The following ZSCAN23 variants were observed in gnomAD, a reference collection of about 807,000 sequenced individuals.
ZSCAN23 encodes the protein zinc finger and SCAN domain-containing protein 23.
ZSCAN23 carries 19 observed loss-of-function variants against 19.3 expected under a neutral mutation model. The ratio of observed to expected loss-of-function variants is 0.99; its 90% CI spans 0.69 to 1.45. The LOEUF (loss-of-function observed/expected upper bound fraction) is 1.45. Ranked by LOEUF, ZSCAN23 falls within the 40% of genes most tolerant of loss-of-function variation. The pLI, the probability that ZSCAN23 is intolerant of heterozygous loss-of-function variation, is 0.00. For synonymous variants in ZSCAN23, 140 were observed against 166.2 expected (o/e 0.84, Z 1.21); for missense variants, 372 against 462.5 (o/e 0.80, Z 1.79).
the ZSCAN23 span, among the ~76,000 whole-genome samples, chr6:28,425,354 G>T: frequency 6.6e-6 from 1 of 152,100 alleles, no homozygotes; most frequent in Non-Finnish European, 1.5e-5. Context: ...TTGAGACAGG[G>T]TCTTTCTCTG....
chr6:28,438,343 C>T (rs1421475820), intron 1 of ZSCAN23, among the ~76,000 whole-genome samples: 1 of 152,142 alleles, frequency 6.6e-6, no homozygotes, highest in Non-Finnish European at 1.5e-5. Flanking sequence ...ATGATCCACC[C>T]GCCTTGGCCT....
At chr6:28,430,377 A>ACAAC (rs1032402136), downstream of ZSCAN23, among the ~76,000 whole-genome samples, 17 of 152,106 alleles carry the variant, frequency 1.1e-4, no homozygotes, top group South Asian at 1.2e-3. Flanking sequence ...TCCAAACAAA[A>ACAAC]CAACCAACCA....
chr6:28,424,348 T>C, the ZSCAN23 span, among the ~76,000 whole-genome samples: 6 of 152,242 alleles, frequency 3.9e-5, no homozygotes, highest in Non-Finnish European at 8.8e-5. Context: ...CTTACCTTAA[T>C]GTCTGCTGAC....
In ZSCAN23 at chr6:28,433,284, G is replaced by C. The variant is rs1429801028; in HGVS notation, c.*1181C>G. On this transcript the variant is annotated 3_prime_UTR_variant, in exon 4 of 4. Coordinates refer to ENST00000289788, the MANE Select transcript of ZSCAN23 (RefSeq NM_001012455.2). ...TAGAATGTTACACTAGGAAGTAGGA[G>C]ACAGGGTTCTAGTTCCAGCTCTGCT... 1 of 152,120 alleles carries C rather than the reference G, an allele frequency of 6.6e-6. No homozygotes were observed. Among genetic ancestry groups the C allele is most frequent in the Non-Finnish European group, 1.5e-5 (1 of 67,998 alleles). 9.4% of individuals were successfully genotyped at this position (152,120 alleles called of 1,614,324 possible).
chr6:28,427,464 A>G (rs765971928), downstream of ZSCAN23, among the ~76,000 whole-genome samples: 1 of 152,232 alleles, frequency 6.6e-6, no homozygotes, highest in Non-Finnish European at 1.5e-5. Context: ...CCTAGATGGT[A>G]GAGCCTACTA....
At chr6:28,421,961 G>C in the ZSCAN23 span, among the ~76,000 whole-genome samples, 1 of 151,996 alleles carries the variant, frequency 6.6e-6, no homozygotes, top group South Asian at 2.1e-4. Flanking sequence ...TAATTGTTTA[G>C]GTATGAAAAT....
chr6:28,434,717 C>T lies in ZSCAN23; in HGVS notation c.918G>A (p.Gln306=). The change falls in exon 4 of 4, where the codon CAG becomes CAA. Residue 306 remains glutamine (Q), a synonymous_variant. Coordinates refer to ENST00000289788, the MANE Select transcript of ZSCAN23 (RefSeq NM_001012455.2). ...TGAAGGCTTTGCCACAAACACTGCA[C>T]TGGTAGCGCTTCTCCCCAGTGTGGA... The part of the protein sequence containing the change: ...QRLHTGEKRY[Q]CSVCGKAFSQ... 6.3e-7 allele frequency: 1 copy of T among 1,596,420 alleles called. No homozygotes were observed. Among genetic ancestry groups the T allele is most frequent in the Non-Finnish European group, 8.5e-7 (1 of 1,171,176 alleles).
chr6:28,429,912 G>A (rs565339412), downstream of ZSCAN23, among the ~76,000 whole-genome samples: 1 of 152,160 alleles, frequency 6.6e-6, no homozygotes, highest in Non-Finnish European at 1.5e-5. Flanking sequence ...ACCTCTCTAG[G>A]AGAAAGGACG....
chr6:28,434,787 CCA>C lies in ZSCAN23; in HGVS notation c.846_847del (p.Cys282TrpfsTer58). On this transcript the variant is annotated frameshift_variant, in exon 4 of 4. Coordinates refer to ENST00000289788, the MANE Select transcript of ZSCAN23 (RefSeq NM_001012455.2). LOFTEE classifies it low-confidence loss of function (END_TRUNC). ...GCCTGACCTCTGGCTGAAGGCCCGC[CCA>C]CACTCATCACATTCATAAGGCTTCT... The C allele has an allele frequency of 6.2e-7, 1 of 1,601,778 alleles. No homozygotes were observed. Among genetic ancestry groups the C allele is most frequent in the South Asian group, 1.1e-5 (1 of 89,364 alleles).
At chr6:28,427,507 C>G (rs1485578715), downstream of ZSCAN23, among the ~76,000 whole-genome samples, 1 of 152,170 alleles carries the variant, frequency 6.6e-6, no homozygotes, top group Non-Finnish European at 1.5e-5. Context: ...ACCTAATGCT[C>G]CTAGGCTACA....
rs1458516785 is a variant in ZSCAN23 at position 28,434,705 on chromosome 6, A to T, written c.930T>A (p.Cys310Ter). ...CGGCATTCTGGCTGAAGGCTTTGCC[A>T]CAAACACTGCACTGGTAGCGCTTCT... ...TGEKRYQCSV[C>*]GKAFSQNAGL... Residue 310 changes from cysteine (C) to a stop codon, truncating the protein, a stop_gained, in exon 4 of 4, where the codon TGT (cysteine) becomes TGA (stop). Transcript: ENST00000289788. LOFTEE classifies it low-confidence loss of function (END_TRUNC). 6.3e-7 allele frequency: 1 copy of T among 1,591,578 alleles called. No homozygotes were observed. Among genetic ancestry groups the T allele is most frequent in the Non-Finnish European group, 8.6e-7 (1 of 1,168,688 alleles).
At chr6:28,441,710 T>A (rs1041025280) in intron 1 of ZSCAN23, among the ~76,000 whole-genome samples, 11 of 151,944 alleles carry the variant, frequency 7.2e-5, no homozygotes, top group Non-Finnish European at 1.3e-4. Flanking sequence ...AAATAAACAG[T>A]CTTAAATACT....
intron 1 of ZSCAN23, among the ~76,000 whole-genome samples, chr6:28,437,793 T>C (rs546289701): frequency 1.3e-5 from 2 of 152,332 alleles, no homozygotes; most frequent in Middle Eastern, 6.8e-3. Flanking sequence ...TATGTATATA[T>C]GTTTGTGCAT....
intron 2 of ZSCAN23, 66 bp downstream of exon 2, chr6:28,435,793 T>A: frequency 6.8e-7 from 1 of 1,476,432 alleles, no homozygotes; most frequent in Admixed American, 2.7e-5. Context: ...CTCTACCTTT[T>A]CTTGTTGCAC....
At chr6:28,440,837 T>C (rs1761984875) in intron 1 of ZSCAN23, among the ~76,000 whole-genome samples, 1 of 152,152 alleles carries the variant, frequency 6.6e-6, no homozygotes, top group Non-Finnish European at 1.5e-5. Context: ...CATTTTTGCT[T>C]TCCTTCACCT....
the ZSCAN23 span, among the ~76,000 whole-genome samples, chr6:28,421,609 A>C: frequency 6.6e-6 from 1 of 152,184 alleles, no homozygotes; most frequent in Non-Finnish European, 1.5e-5. Context: ...GGTCAAAAAA[A>C]CTTAAAACTT....
the ZSCAN23 span, among the ~76,000 whole-genome samples, chr6:28,424,874 A>G: frequency 6.6e-6 from 1 of 152,206 alleles, no homozygotes; most frequent in Non-Finnish European, 1.5e-5. Flanking sequence ...TCATGTTGAT[A>G]TTTTGATCTC....
intron 1 of ZSCAN23, among the ~76,000 whole-genome samples, chr6:28,440,966 C>T (rs1761986784): frequency 6.6e-6 from 1 of 152,158 alleles, no homozygotes; most frequent in Non-Finnish European, 1.5e-5. Context: ...CTGCCCTCCT[C>T]GTCACAAACA....
chr6:28,436,091 G>T lies in ZSCAN23; in HGVS notation c.176C>A (p.Ser59Tyr), dbSNP rs768971715. The change falls in exon 2 of 4, where the codon TCC (serine) becomes TAC (tyrosine). Residue 59 changes from serine to tyrosine, a missense_variant. Ser to Tyr is a moderately radical substitution (Grantham distance 144, BLOSUM62 -2). Coordinates refer to ENST00000289788, the MANE Select transcript of ZSCAN23 (RefSeq NM_001012455.2). ...TTGAAGAGCCTCCCGGGGCCCAGGGGACTCCTGATAGCAGAACTGCCTGAA... is the reference window on the plus strand; with the variant it reads ...TTGAAGAGCCTCCCGGGGCCCAGGGTACTCCTGATAGCAGAACTGCCTGAA... ...RRFRQFCYQE[S>Y]PGPREALQRL... 4 of 1,614,040 alleles carry T rather than the reference G, an allele frequency of 2.5e-6. No homozygotes were observed. The highest frequency in any genetic ancestry group is 3.4e-6 in the Non-Finnish European group (4 of 1,179,954).
Sources: allele counts gnomAD v4.1 joint callset (sites outside exome capture counted in the v4.1 genomes callset), GRCh38; gene constraint gnomAD v4.1.1; transcripts MANE v1.5; gene names NCBI Gene and HGNC (gene_info 2026-07-23, HGNC 2026-07-21).